The following RANBP2 variants were observed in gnomAD, a reference collection of about 807,000 sequenced individuals.
The protein encoded by RANBP2 is E3 SUMO-protein ligase RanBP2.
Under a neutral mutation model 303.6 loss-of-function variants are expected in RANBP2, and 57 were observed. The observed-to-expected ratio is 0.19, with a 90% CI of 0.15 to 0.23. The LOEUF is 0.23. RANBP2 is among the 10% of genes least tolerant of loss of function. The pLI, the probability that RANBP2 is intolerant of heterozygous loss-of-function variation, is 1.00. For missense variants in RANBP2, 3,138 were observed against 3,780.8 expected, an observed-to-expected ratio of 0.83 and a Z score of 4.46; for synonymous variants, 1,167 against 1,301.5, an observed-to-expected ratio of 0.90 and a Z score of 2.23.
the RANBP2 span, among the ~76,000 whole-genome samples, chr2:109,607,221 G>A: frequency 2.0e-5 from 3 of 152,144 alleles, no homozygotes; most frequent in African/African-American, 7.2e-5. Context: ...TTAGTAAGCT[G>A]CTTGGAGTAA....
chr2:108,974,244 G>T, the RANBP2 span, among the ~76,000 whole-genome samples: 1 of 141,732 alleles, frequency 7.1e-6, no homozygotes, highest in Non-Finnish European at 1.5e-5. Context: ...GCAGGAGAAT[G>T]GCATGAACCC....
chr2:109,598,725 CCCAG>C, the RANBP2 span, among the ~76,000 whole-genome samples: 72 of 151,840 alleles, frequency 4.7e-4, 7 homozygotes, highest in East Asian at 4.5e-3. Flanking sequence ...TGCCTGTAAT[CCCAG>C]CTACTCAGGA....
At chr2:109,270,674 G>A in the RANBP2 span, among the ~76,000 whole-genome samples, 16 of 152,306 alleles carry the variant, frequency 1.1e-4, no homozygotes, top group South Asian at 2.1e-4. Flanking sequence ...TCTTGGCCCC[G>A]TATCTGGGCC....
chr2:108,963,315 A>C, the RANBP2 span, among the ~76,000 whole-genome samples: 2 of 152,234 alleles, frequency 1.3e-5, no homozygotes, highest in Non-Finnish European at 2.9e-5. Flanking sequence ...CTATGAGAAA[A>C]GAATTCAATT....
At chr2:109,695,413 G>A in the RANBP2 span, among the ~76,000 whole-genome samples, 3 of 152,154 alleles carry the variant, frequency 2.0e-5, no homozygotes, top group African/African-American at 7.2e-5. Context: ...ATCTCCTTGT[G>A]TTTACCCAGT....
chr2:109,773,373 CTT>C, the RANBP2 span, among the ~76,000 whole-genome samples: 1 of 127,630 alleles, frequency 7.8e-6, no homozygotes, highest in African/African-American at 3.3e-5. Flanking sequence ...TGTTCCCACT[CTT>C]GAGGGGAAAG....
chr2:109,027,851 C>T, the RANBP2 span, among the ~76,000 whole-genome samples: 1 of 152,334 alleles, frequency 6.6e-6, no homozygotes, highest in South Asian at 2.1e-4. Flanking sequence ...CTGCCAGTCC[C>T]CTACTTCTGT....
chr2:109,571,107 C>T, the RANBP2 span, among the ~76,000 whole-genome samples: 2 of 152,288 alleles, frequency 1.3e-5, no homozygotes, highest in South Asian at 4.1e-4. Context: ...TCTCCTCCTC[C>T]TTCTCAGGTC....
the RANBP2 span, among the ~76,000 whole-genome samples, chr2:109,174,920 A>G: frequency 6.6e-6 from 1 of 152,236 alleles, no homozygotes; most frequent in African/African-American, 2.4e-5. Context: ...CACTGATGTC[A>G]TCTAATGGGG....
At chr2:109,631,854 A>G in the RANBP2 span, among the ~76,000 whole-genome samples, 5 of 151,936 alleles carry the variant, frequency 3.3e-5, no homozygotes, top group Non-Finnish European at 7.4e-5. Flanking sequence ...GACTCTAAAA[A>G]CCCTTGGGGT....
chr2:109,344,073 T>C, the RANBP2 span, among the ~76,000 whole-genome samples: 1 of 152,120 alleles, frequency 6.6e-6, no homozygotes, highest in Non-Finnish European at 1.5e-5. Flanking sequence ...CTTTCCCCCC[T>C]GTATCCCCAT....
the RANBP2 span, chr2:108,912,809 C>T: frequency 2.0e-6 from 3 of 1,481,140 alleles, no homozygotes; most frequent in Non-Finnish European, 2.8e-6. Context: ...AGAAGCTCCA[C>T]CTTCAAAGAC....
the RANBP2 span, among the ~76,000 whole-genome samples, chr2:109,155,514 G>T: frequency 6.6e-6 from 1 of 152,100 alleles, no homozygotes; most frequent in Non-Finnish European, 1.5e-5. Flanking sequence ...TGTTAGCCAG[G>T]GTGGTCTCGA....
the RANBP2 span, among the ~76,000 whole-genome samples, chr2:109,648,995 T>C: frequency 6.6e-6 from 1 of 152,138 alleles, no homozygotes; most frequent in African/African-American, 2.4e-5. Context: ...GATGTATAGG[T>C]AGGACAATCA....
the RANBP2 span, among the ~76,000 whole-genome samples, chr2:109,333,946 A>C: frequency 6.6e-6 from 1 of 152,246 alleles, no homozygotes; most frequent in Non-Finnish European, 1.5e-5. Flanking sequence ...TAATGAGGAC[A>C]TGCTCAGAGT....
chr2:108,937,386 A>T, the RANBP2 span, among the ~76,000 whole-genome samples: 1 of 152,088 alleles, frequency 6.6e-6, no homozygotes, highest in Non-Finnish European at 1.5e-5. Context: ...GTGTGCATAC[A>T]CGTGAGTGTA....
the RANBP2 span, among the ~76,000 whole-genome samples, chr2:109,470,682 G>C: frequency 6.6e-6 from 1 of 152,174 alleles, no homozygotes; most frequent in Admixed American, 6.5e-5. Context: ...GGCCGGGGCT[G>C]GTGGAGGATG....
At chr2:109,322,967 G>T in the RANBP2 span, among the ~76,000 whole-genome samples, 1 of 152,112 alleles carries the variant, frequency 6.6e-6, no homozygotes, top group Non-Finnish European at 1.5e-5. Context: ...ATATAAAGAG[G>T]CCAAATCTGA....
At chr2:109,106,973 T>A in the RANBP2 span, among the ~76,000 whole-genome samples, 1 of 149,428 alleles carries the variant, frequency 6.7e-6, no homozygotes, top group Non-Finnish European at 1.5e-5. Context: ...AGTCTCGTTC[T>A]GTCACCCAGG....
Sources: allele counts gnomAD v4.1 joint callset (sites outside exome capture counted in the v4.1 genomes callset), GRCh38; gene constraint gnomAD v4.1.1; transcripts MANE v1.5; gene names NCBI Gene and HGNC (gene_info 2026-07-23, HGNC 2026-07-21).